Variants in FAT1 observed in about 807,000 individuals in gnomAD.
The protein encoded by FAT1 is protocadherin Fat 1.
FAT1 carries 171 observed loss-of-function variants against 329.8 expected under a neutral mutation model. The observed-to-expected ratio is 0.52, with a 90% confidence interval of 0.46 to 0.59. The LOEUF is 0.59. FAT1 is among the 20% of genes least tolerant of loss of function. The probability of loss-of-function intolerance (pLI) is 0.00; values close to 1 mark genes in which losing one functional copy is unlikely to be tolerated. For missense variants in FAT1, 5,672 were observed against 5,774.4 expected (o/e 0.98, Z 0.57); for synonymous variants, 2,233 against 2,228.6 (o/e 1.00, Z -0.06).
chr4:186,721,428 C>T (rs545314355), intron 1 of FAT1, among the ~76,000 whole-genome samples: 1 of 152,168 alleles, frequency 6.6e-6, no homozygotes, highest in Admixed American at 6.5e-5. Flanking sequence ...GCAAACTGAA[C>T]AATTAAGTGA....
intron 26 of FAT1, among the ~76,000 whole-genome samples, chr4:186,593,463 T>C (rs765716684): frequency 2.0e-4 from 31 of 152,230 alleles, no homozygotes; most frequent in Admixed American, 5.2e-4. Context: ...CCTGTGAATA[T>C]GTCACTATAC....
intron 2 of FAT1, among the ~76,000 whole-genome samples, chr4:186,687,124 A>G (rs561980169): frequency 6.6e-6 from 1 of 152,314 alleles, no homozygotes; most frequent in East Asian, 1.9e-4. Context: ...AAAGATCGAG[A>G]AAAGGTAAGT....
rs1739867008 is a variant in FAT1, at chr4:186,618,849, G to A, written c.7737C>T (p.Phe2579=). 9 of 1,614,026 alleles carry A rather than the reference G, an allele frequency of 5.6e-6. No homozygotes were observed. The highest frequency in any genetic ancestry group is 2.7e-5 in the African/African-American group (2 of 75,060). ...CTGTAAGGATGACATTCACGGTGCA[G>A]AAAGCAACTTTTCCTCCAGCATCCT... ...MAKDAGGKVA[F]CTVNVILTDD... Residue 2579 remains phenylalanine (F), a synonymous_variant, in exon 10 of 27, where the codon TTC becomes TTT. Coordinates refer to ENST00000441802, the MANE Select transcript of FAT1 (RefSeq NM_005245.4).
intron 26 of FAT1, among the ~76,000 whole-genome samples, chr4:186,593,545 G>A (rs1738343181): frequency 6.6e-6 from 1 of 152,160 alleles, no homozygotes; most frequent in African/African-American, 2.4e-5. Context: ...GGATTACCTG[G>A]GTGGGCCCAG....
In FAT1 at chr4:186,596,610, G is replaced by C. The variant is rs1158057540; in HGVS notation, c.12930C>G (p.Pro4310=). The change falls in exon 25 of 27, where the codon CCC becomes CCG. Residue 4310 remains proline, a synonymous_variant. Coordinates refer to ENST00000441802, the MANE Select transcript of FAT1 (RefSeq NM_005245.4). The surrounding 1 kb of genome is among the most constrained non-coding windows in gnomAD (Gnocchi z 4.7). ...AVCSVAPNLP[P]PPPSNSPSDS... is the part of the protein sequence containing the mutation. ...CAGAAGGGGAGTTTGAAGGGGGTGG[G>C]GGAGGCAGGTTTGGCGCCACGCTGC... 1 of 1,612,378 alleles carries C rather than the reference G, an allele frequency of 6.2e-7. No homozygotes were observed. Among genetic ancestry groups the C allele is most frequent in the Non-Finnish European group, 8.5e-7 (1 of 1,179,270 alleles).
At chr4:186,640,424 T>C (rs1236267375) in intron 3 of FAT1, among the ~76,000 whole-genome samples, 1 of 152,212 alleles carries the variant, frequency 6.6e-6, no homozygotes, top group Non-Finnish European at 1.5e-5. Flanking sequence ...ATCCAGGATT[T>C]CAATCTCATC....
intron 2 of FAT1, among the ~76,000 whole-genome samples, chr4:186,690,799 G>A (rs1560995223): frequency 1.3e-5 from 2 of 152,248 alleles, no homozygotes; most frequent in East Asian, 1.9e-4. Flanking sequence ...GGGGCTAGTC[G>A]AAACTGAAAT....
At chr4:186,639,839 C>G in intron 3 of FAT1, 56 bp from the exon 4 acceptor site, 2 of 1,414,430 alleles carry the variant, frequency 1.4e-6, no homozygotes, top group Non-Finnish European at 2.0e-6. Context: ...TTACAAAATA[C>G]TGCAATTAAA....
At chr4:186,641,881 C>A (rs907280675) in intron 3 of FAT1, among the ~76,000 whole-genome samples, 3 of 152,096 alleles carry the variant, frequency 2.0e-5, no homozygotes, top group African/African-American at 7.2e-5. Context: ...GTGGCACACA[C>A]CTGTAATCCC....
chr4:186,609,680 A>G lies in FAT1; in HGVS notation c.10068+121T>C, dbSNP rs1055844693. On this transcript the variant is annotated intron_variant, in intron 15 of 26. Coordinates refer to ENST00000441802, the MANE Select transcript of FAT1 (RefSeq NM_005245.4). ...GCAATCAGTTGGCCTAACAAAAGAC[A>G]CTTTCAAATCTCCAAAATATTTACA... 9 of 701,436 alleles carry G rather than the reference A, an allele frequency of 1.3e-5. No homozygotes were observed. The African/African-American group carries it at 1.6e-4, about 13-fold the overall frequency. 43.5% of individuals were successfully genotyped at this position (701,436 alleles called of 1,614,324 possible).
chr4:186,660,185 G>A (rs985324633), intron 3 of FAT1, among the ~76,000 whole-genome samples: 7 of 152,042 alleles, frequency 4.6e-5, no homozygotes, highest in South Asian at 2.1e-4. Context: ...ATTTCCTACC[G>A]GACGGACTTT....
upstream of FAT1, among the ~76,000 whole-genome samples, chr4:186,725,763 TC>T (rs1383190945): frequency 1.3e-5 from 2 of 152,106 alleles, no homozygotes; most frequent in African/African-American, 4.8e-5. The surrounding 1 kb of genome is among the most constrained non-coding windows in gnomAD (Gnocchi z 5.4). Context: ...CCTAACCCTG[TC>T]CCCAAAGGCT....
chr4:186,648,842 G>T (rs78143987), intron 3 of FAT1, among the ~76,000 whole-genome samples: 1 of 152,216 alleles, frequency 6.6e-6, no homozygotes, highest in African/African-American at 2.4e-5. Context: ...TCTCATGAAG[G>T]TTTCCCGGTG....
chr4:186,591,418 A>G (rs186188068), intron 26 of FAT1, among the ~76,000 whole-genome samples: 1 of 152,260 alleles, frequency 6.6e-6, no homozygotes, highest in South Asian at 2.1e-4. Context: ...GGTAACATGT[A>G]TCTACAGAAT....
intron 3 of FAT1, among the ~76,000 whole-genome samples, chr4:186,646,736 A>G (rs1003038278): frequency 3.5e-4 from 54 of 152,160 alleles, no homozygotes; most frequent in African/African-American, 1.3e-3. Context: ...GAAAAAAAAA[A>G]AAAAAGTAAA....
Position 186,723,792 on chromosome 4 carries a change from A to C in FAT1, c.-147T>G, listed in dbSNP as rs327084. 2 of 149,464 alleles carry C rather than the reference A, an allele frequency of 1.3e-5. No individual in the cohort carries two copies. The highest frequency in any genetic ancestry group is 4.2e-4 in the South Asian group (2 of 4,784). 9.3% of individuals were successfully genotyped at this position (149,464 alleles called of 1,614,324 possible). On this transcript the variant is annotated 5_prime_UTR_variant, in exon 1 of 27. Coordinates refer to ENST00000441802, the MANE Select transcript of FAT1 (RefSeq NM_005245.4). ...CGCGCGTCCGCATGGTACCTGCCGC[A>C]CGAGCCGCTCCCGCGCCCTCTCCCC... is the stretch of plus-strand genomic sequence containing the variant.
rs372604440 is a variant in FAT1, at chr4:186,618,525, A to T, written c.8061T>A (p.Val2687=). The T allele has an allele frequency of 1.1e-5, 17 of 1,613,946 alleles. No individual in the cohort carries two copies. The highest frequency in any genetic ancestry group is 3.3e-4 in the Middle Eastern group (2 of 6,084). Residue 2687 remains valine (V), a synonymous_variant, in exon 10 of 27, where the codon GTT becomes GTA. Coordinates refer to ENST00000441802, the MANE Select transcript of FAT1 (RefSeq NM_005245.4). The stretch of plus-strand genomic sequence containing the variant: ...GTGGAAGGATTTTAACATAGACAAG[A>T]ACAACAGATTCTTTTGATGGAGACC... ...DNGSPSKESV[V]LVYVKILPPE...
At position 186,710,877 on chromosome 4, in the gene FAT1, A is replaced by G. The variant is rs1057107302; in HGVS notation, c.-18-1032T>C. Among the ~76,000 whole-genome samples the G allele has an allele frequency of 5.9e-5, 9 of 152,242 alleles. 1 individual carries two copies. The highest frequency in any genetic ancestry group is 8.8e-5 in the Non-Finnish European group (6 of 68,044). On this transcript the variant is annotated intron_variant, in intron 1 of 26. Transcript: ENST00000441802. Reference sequence around the variant, plus strand: ...GCGGAGAAAAGAGAGAAACTGAAGAAATGAAGAAAACGTTGCCTTTAACAA... The same window carrying G: ...GCGGAGAAAAGAGAGAAACTGAAGAGATGAAGAAAACGTTGCCTTTAACAA...
chr4:186,726,272 T>A (rs980756204), upstream of FAT1: 7 of 152,362 alleles, frequency 4.6e-5, no homozygotes, highest in African/African-American at 1.7e-4. Flanking sequence ...CGCACTCGCT[T>A]AGAGCCACAC....
Sources: allele counts gnomAD v4.1 joint callset (sites outside exome capture counted in the v4.1 genomes callset), GRCh38; gene constraint gnomAD v4.1.1; non-coding constraint Gnocchi (gnomAD v3.1); transcripts MANE v1.5; gene names NCBI Gene and HGNC (gene_info 2026-07-23, HGNC 2026-07-21).